Variants in AKAP6 observed in about 807,000 individuals in gnomAD.
The protein encoded by AKAP6 is A-kinase anchoring protein 6, also known as A-kinase anchor protein 6.
A neutral mutation model predicts 188.5 loss-of-function variants in AKAP6; 58 were observed. The observed-to-expected ratio is 0.31, with a 90% CI of 0.25 to 0.38. AKAP6 has a LOEUF of 0.38. Ranked by LOEUF, AKAP6 falls within the 10% of genes least tolerant of loss-of-function variation. AKAP6 has a pLI of 1.00. For missense variants in AKAP6, 2,710 were observed against 2,740.0 expected, an observed-to-expected ratio of 0.99 and a Z score of 0.24; for synonymous variants, 989 against 998.6, an observed-to-expected ratio of 0.99 and a Z score of 0.18.
chr14:32,740,913 T>C (rs938011923), intron 11 of AKAP6, among the ~76,000 whole-genome samples: 3 of 152,052 alleles, frequency 2.0e-5, no homozygotes, highest in Admixed American at 6.6e-5. Flanking sequence ...GTCATTGGTA[T>C]TTTGATAGAG....
chr14:32,547,428 T>A (rs563929783), intron 4 of AKAP6, among the ~76,000 whole-genome samples: 1 of 152,332 alleles, frequency 6.6e-6, no homozygotes, highest in African/African-American at 2.4e-5. Flanking sequence ...ACATCTCCAA[T>A]GTTAACTTCT....
intron 1 of AKAP6, among the ~76,000 whole-genome samples, chr14:32,359,311 C>G (rs778294032): frequency 4.6e-5 from 7 of 151,732 alleles, no homozygotes; most frequent in Non-Finnish European, 8.8e-5. Flanking sequence ...GAAAAACATG[C>G]TCAATTTAAA....
chr14:32,405,514 CCAAA>C (rs1224076072), intron 1 of AKAP6, among the ~76,000 whole-genome samples: 8 of 151,980 alleles, frequency 5.3e-5, no homozygotes, highest in Non-Finnish European at 1.0e-4. Flanking sequence ...TTTTCATTTA[CCAAA>C]CAAAAATATT....
intron 1 of AKAP6, among the ~76,000 whole-genome samples, chr14:32,339,194 A>G (rs1244642272): frequency 6.6e-6 from 1 of 152,136 alleles, no homozygotes; most frequent in Non-Finnish European, 1.5e-5. Context: ...TGCCTGGCAT[A>G]TGGTAGGTGC....
chr14:32,353,094 G>T (rs1246472118), intron 1 of AKAP6, among the ~76,000 whole-genome samples: 1 of 151,742 alleles, frequency 6.6e-6, no homozygotes, highest in Non-Finnish European at 1.5e-5. Flanking sequence ...TCTAGTTGGG[G>T]TGCCAACCTC....
rs114354817 is a variant in AKAP6, at chr14:32,478,137, G to A, written c.324+44320G>A. Among the ~76,000 whole-genome samples, 195 of 152,264 alleles carry A rather than the reference G, an allele frequency of 1.3e-3. 2 individuals carry two copies. In the East Asian group the frequency reaches 0.014, roughly 11 times the overall value. On this transcript the variant is annotated intron_variant, in intron 2 of 13. Coordinates refer to ENST00000280979, the MANE Select transcript of AKAP6 (RefSeq NM_004274.5). ...AGCAAACTTGAAGATTCAGAGCAAA[G>A]GCATGTGCTGAGCATTTGCCTTGTA... is the stretch of plus-strand genomic sequence containing the variant.
intron 1 of AKAP6, among the ~76,000 whole-genome samples, chr14:32,382,523 G>A (rs1888397675): frequency 6.6e-6 from 1 of 152,214 alleles, no homozygotes; most frequent in Admixed American, 6.5e-5. Context: ...CCAGCACATT[G>A]TAAGTGCTCA....
intron 9 of AKAP6, among the ~76,000 whole-genome samples, chr14:32,726,465 A>G (rs1594886151): frequency 6.6e-6 from 1 of 152,358 alleles, no homozygotes; most frequent in Admixed American, 6.5e-5. Context: ...CCAGGAAAAC[A>G]CTAAATTCTA....
chr14:32,590,156 T>A (rs1424146164), intron 5 of AKAP6, among the ~76,000 whole-genome samples: 1 of 152,138 alleles, frequency 6.6e-6, no homozygotes, highest in African/African-American at 2.4e-5. Context: ...TTTGGGGGAA[T>A]CTTCCTTAGA....
intron 1 of AKAP6, among the ~76,000 whole-genome samples, chr14:32,363,912 G>A (rs1004289962): frequency 3.3e-5 from 5 of 152,206 alleles, no homozygotes; most frequent in African/African-American, 1.2e-4. Flanking sequence ...AGAGCAGTGG[G>A]CGTTCATTCC....
chr14:32,828,192 C>A (rs2143975), intron 13 of AKAP6, among the ~76,000 whole-genome samples: 1 of 151,996 alleles, frequency 6.6e-6, no homozygotes, highest in Admixed American at 6.5e-5. Flanking sequence ...TCAGATTTTA[C>A]AAACTGAGAA....
chr14:32,662,653 G>GA (rs1888752814), intron 7 of AKAP6, among the ~76,000 whole-genome samples: 1 of 152,118 alleles, frequency 6.6e-6, no homozygotes, highest in Non-Finnish European at 1.5e-5. Context: ...CACTGTTTGT[G>GA]ATGCTAATGT....
Position 32,824,267 on chromosome 14 carries a change from ATTGAATGCTTTT to A in AKAP6, c.6459_6470del (p.Cys2154_Glu2157del), listed in dbSNP as rs2034617150. ...CTCGGGCTTAGATGACAAGGAAGAT[ATTGAATGCTTTT>A]TTGAGGCCTGTGTTGAGGGTGACTC... On this transcript the variant is annotated inframe_deletion, in exon 13 of 14. Coordinates refer to ENST00000280979, the MANE Select transcript of AKAP6 (RefSeq NM_004274.5). 1 of 1,613,818 alleles carries A rather than the reference ATTGAATGCTTTT, an allele frequency of 6.2e-7. No individual in the cohort carries two copies. Among genetic ancestry groups the A allele is most frequent in the Non-Finnish European group, 8.5e-7 (1 of 1,179,952 alleles).
At chr14:32,711,212 C>T (rs989505786) in intron 9 of AKAP6, among the ~76,000 whole-genome samples, 1 of 152,040 alleles carries the variant, frequency 6.6e-6, no homozygotes, top group Non-Finnish European at 1.5e-5. Flanking sequence ...ACAACCCAAA[C>T]TCTGTTTTGC....
chr14:32,493,345 C>T (rs1366613588), intron 2 of AKAP6, among the ~76,000 whole-genome samples: 2 of 151,968 alleles, frequency 1.3e-5, no homozygotes, highest in South Asian at 4.2e-4. Flanking sequence ...TAGCTGGGAA[C>T]AGGCTTGTAC....
chr14:32,666,387 T>C (rs1888936252), intron 7 of AKAP6, among the ~76,000 whole-genome samples: 1 of 152,092 alleles, frequency 6.6e-6, no homozygotes, highest in African/African-American at 2.4e-5. Context: ...ACAGCATTTT[T>C]ATTTTCAAGT....
chr14:32,700,574 T>C (rs987729251), intron 9 of AKAP6, among the ~76,000 whole-genome samples: 2 of 152,228 alleles, frequency 1.3e-5, no homozygotes, highest in African/African-American at 4.8e-5. Flanking sequence ...ATTATAATAC[T>C]ATATTTTTAC....
intron 12 of AKAP6, among the ~76,000 whole-genome samples, chr14:32,785,668 G>T (rs1380733751): frequency 6.6e-6 from 1 of 152,016 alleles, no homozygotes; most frequent in Non-Finnish European, 1.5e-5. Flanking sequence ...GTGTTGGTTG[G>T]AAGTAGTATG....
At chr14:32,672,583 T>C (rs562652767) in intron 7 of AKAP6, among the ~76,000 whole-genome samples, 8 of 152,212 alleles carry the variant, frequency 5.3e-5, no homozygotes, top group Non-Finnish European at 1.2e-4. Context: ...ACCCCCACCC[T>C]TGTGACCTCG....
Sources: allele counts gnomAD v4.1 joint callset (sites outside exome capture counted in the v4.1 genomes callset), GRCh38; gene constraint gnomAD v4.1.1; transcripts MANE v1.5; gene names NCBI Gene and HGNC (gene_info 2026-07-23, HGNC 2026-07-21).